The following CASS4 variants were observed in gnomAD, a reference collection of about 807,000 sequenced individuals.
CASS4 encodes Cas scaffold protein family member 4, also known as cas scaffolding protein family member 4.
A neutral mutation model predicts 54.2 loss-of-function variants in CASS4; 22 were observed. The observed-to-expected ratio is 0.41, with a 90% CI of 0.29 to 0.58. The LOEUF (loss-of-function observed/expected upper bound fraction) is 0.58, where lower values mean the gene tolerates loss of function less well. Ranked by LOEUF, CASS4 falls within the 20% of genes least tolerant of loss-of-function variation. CASS4 has a pLI of 0.36. For synonymous variants in CASS4, 409 were observed against 391.5 expected, an observed-to-expected ratio of 1.04 and a Z score of -0.53; for missense variants, 854 against 986.7, an observed-to-expected ratio of 0.87 and a Z score of 1.80.
At chr20:56,439,153 T>G (rs1980339419) in intron 2 of CASS4, among the ~76,000 whole-genome samples, 1 of 152,122 alleles carries the variant, frequency 6.6e-6, no homozygotes, top group Non-Finnish European at 1.5e-5. Flanking sequence ...ATGACATCTG[T>G]AACTTTTTAA....
At position 56,458,678 on chromosome 20, in the gene CASS4, G is replaced by T; in HGVS notation, c.2292G>T (p.Leu764=). The change falls in exon 6 of 6, where the codon CTG becomes CTT. Residue 764 remains leucine, a synonymous_variant. Transcript: ENST00000679887. ...AVLTYPSPAA[L]GHLQAEAEKL... ...TCACGTACCCCAGCCCTGCCGCGCT[G>T]GGGCACCTCCAGGCGGAGGCTGAGA... 3 of 1,612,848 alleles carry T rather than the reference G, an allele frequency of 1.9e-6. No homozygotes were observed. In the South Asian group the frequency reaches 3.3e-5, roughly 18 times the overall value.
intron 2 of CASS4, 100 bp from the exon 3 acceptor site, chr20:56,445,800 C>A: frequency 1.1e-6 from 1 of 902,056 alleles, no homozygotes; most frequent in Non-Finnish European, 1.7e-6. Flanking sequence ...TCAGCAGTAT[C>A]CACCCAGCTG....
chr20:56,441,101 G>A (rs1444746284), intron 2 of CASS4, among the ~76,000 whole-genome samples: 1 of 149,866 alleles, frequency 6.7e-6, no homozygotes, highest in Non-Finnish European at 1.5e-5. Flanking sequence ...AGATTCTCCT[G>A]CCTCAGCCTC....
chr20:56,459,454 A>C lies in CASS4; in HGVS notation c.*707A>C. 1 of 272,864 alleles carries C rather than the reference A, an allele frequency of 3.7e-6. No homozygotes were observed. Among genetic ancestry groups the C allele is most frequent in the Non-Finnish European group, 7.7e-6 (1 of 129,848 alleles). 16.9% of individuals were successfully genotyped at this position (272,864 alleles called of 1,614,324 possible). A position where few individuals can be genotyped will look rare whatever the true frequency, so the allele number is the denominator to read the frequency against. Reference sequence around the variant, plus strand: ...TATAGGGCTAGCTTGGTTCTTCTTCAATGTCTCCTTTTGGAGTTGTACCTG... The same window carrying C: ...TATAGGGCTAGCTTGGTTCTTCTTCCATGTCTCCTTTTGGAGTTGTACCTG... On this transcript the variant is annotated 3_prime_UTR_variant, in exon 6 of 6. Transcript: ENST00000679887.
chr20:56,412,115 G>C (rs1978903874), upstream of CASS4: 1 of 344,928 alleles, frequency 2.9e-6, no homozygotes. This position sits in a 1 kb window ranked among gnomAD's most constrained non-coding sequence, Gnocchi z 4.2. Flanking sequence ...TAAAGCAGAA[G>C]AGTGGTGTTT....
chr20:56,444,365 G>T (rs887507777), intron 2 of CASS4, among the ~76,000 whole-genome samples: 1 of 152,072 alleles, frequency 6.6e-6, no homozygotes, highest in Non-Finnish European at 1.5e-5. Flanking sequence ...CAGCTCCTTG[G>T]GACGCCAGTG....
chr20:56,429,063 T>A (rs1173135132), intron 1 of CASS4, among the ~76,000 whole-genome samples: 1 of 152,212 alleles, frequency 6.6e-6, no homozygotes, highest in Non-Finnish European at 1.5e-5. Context: ...ACCCGGGCAG[T>A]GTGTCCACCC....
intron 1 of CASS4, among the ~76,000 whole-genome samples, chr20:56,433,934 C>T (rs1980033745): frequency 1.3e-5 from 2 of 152,170 alleles, no homozygotes; most frequent in Admixed American, 1.3e-4. Flanking sequence ...CCCGGGTTGC[C>T]TGCAAGTTAT....
chr20:56,429,812 C>G (rs905213675), intron 1 of CASS4, among the ~76,000 whole-genome samples: 1 of 152,206 alleles, frequency 6.6e-6, no homozygotes, highest in Non-Finnish European at 1.5e-5. Flanking sequence ...TCACCCATCA[C>G]TACTTCCCAA....
At chr20:56,420,771 C>G (rs544145688) in intron 1 of CASS4, among the ~76,000 whole-genome samples, 1 of 152,186 alleles carries the variant, frequency 6.6e-6, no homozygotes, top group East Asian at 1.9e-4. Flanking sequence ...TAACAAACAA[C>G]TCAAGGTGCT....
chr20:56,444,778 A>G (rs1228258379), intron 2 of CASS4, among the ~76,000 whole-genome samples: 1 of 152,142 alleles, frequency 6.6e-6, no homozygotes, highest in Non-Finnish European at 1.5e-5. Flanking sequence ...ATGTTTCCCA[A>G]AGTGCCTTGA....
intron 1 of CASS4, among the ~76,000 whole-genome samples, chr20:56,425,080 A>G (rs1191794102): frequency 6.6e-6 from 1 of 152,224 alleles, no homozygotes; most frequent in African/African-American, 2.4e-5. Context: ...CTTGGGGAAC[A>G]TGTCCCATCA....
intron 1 of CASS4, among the ~76,000 whole-genome samples, chr20:56,427,250 C>T (rs1247159491): frequency 6.6e-6 from 1 of 151,796 alleles, no homozygotes; most frequent in Non-Finnish European, 1.5e-5. Context: ...CCAGAAATCC[C>T]TCCCAGAAGA....
intron 1 of CASS4, among the ~76,000 whole-genome samples, chr20:56,422,750 A>G (rs147992661): frequency 2.2e-3 from 329 of 152,352 alleles, no homozygotes; most frequent in African/African-American, 7.6e-3. Flanking sequence ...GTTATCATGG[A>G]GAACCAGTTA....
At position 56,455,141 on chromosome 20, in the gene CASS4, A is replaced by AT. The variant is rs1200320949; in HGVS notation, c.1953+2012_1953+2013insT. ...TGATGTTCTTCCTTTTTTAAAAAAAAAAAAGTCAAAGATGTTATCGTTGTG... is the reference window on the plus strand; with the variant it reads ...TGATGTTCTTCCTTTTTTAAAAAAAATAAAAGTCAAAGATGTTATCGTTGTG... On this transcript the variant is annotated intron_variant, in intron 5 of 5. Coordinates refer to ENST00000679887, the MANE Select transcript of CASS4 (RefSeq NM_020356.4). 2.6e-5 allele frequency among the ~76,000 whole-genome samples: 4 copies of AT among 151,994 alleles called. No individual in the cohort carries two copies. In the East Asian group the frequency reaches 7.7e-4, roughly 29 times the overall value.
chr20:56,444,800 C>T (rs539230587), intron 2 of CASS4, among the ~76,000 whole-genome samples: 2 of 152,296 alleles, frequency 1.3e-5, no homozygotes, highest in Non-Finnish European at 2.9e-5. Flanking sequence ...CAATAACTGG[C>T]CAGGTGCTCT....
intron 5 of CASS4, 111 bp from the exon 6 acceptor site, chr20:56,458,229 C>CT (rs1459966191): frequency 4.2e-5 from 47 of 1,110,314 alleles, no homozygotes; most frequent in Middle Eastern, 2.1e-4. Flanking sequence ...CCAAACCATG[C>CT]TTTTTTAAAA....
intron 3 of CASS4, 69 bp downstream of exon 3, chr20:56,446,070 T>C: frequency 2.0e-6 from 2 of 1,018,644 alleles, no homozygotes; most frequent in Non-Finnish European, 3.0e-6. Flanking sequence ...CTTGGGATCA[T>C]GCCCACATTG....
Position 56,459,327 on chromosome 20 carries a change from G to A in CASS4, c.*580G>A, listed in dbSNP as rs1280198606. The A allele has an allele frequency of 5.7e-6, 1 of 174,394 alleles. No individual in the cohort carries two copies. The highest frequency in any genetic ancestry group is 2.4e-5 in the African/African-American group (1 of 41,738). 10.8% of individuals were successfully genotyped at this position (174,394 alleles called of 1,614,324 possible). ...AAAAAATATATTCCCAATAAAACAT[G>A]TACAATTCTCCAGAGAGCGGTGACA... On this transcript the variant is annotated 3_prime_UTR_variant, in exon 6 of 6. Coordinates refer to ENST00000679887, the MANE Select transcript of CASS4 (RefSeq NM_020356.4).
Sources: gnomAD v4.1 joint callset for allele counts (sites outside exome capture counted in the v4.1 genomes callset) on GRCh38, gnomAD v4.1.1 for gene constraint, Gnocchi (gnomAD v3.1) non-coding constraint, MANE v1.5 for transcripts, NCBI Gene and HGNC (gene_info 2026-07-23, HGNC 2026-07-21) for gene names.